RAB5C: variants seen among roughly 807,000 people sequenced by gnomAD.
RAB5C encodes the protein RAB5C, member RAS oncogene family, also known as ras-related protein Rab-5C.
A neutral mutation model predicts 25.2 loss-of-function variants in RAB5C; 4 were observed. That is an observed-to-expected ratio of 0.16 (90% CI 0.08 to 0.36). The LOEUF (loss-of-function observed/expected upper bound fraction) is 0.36, where lower values mean the gene tolerates loss of function less well. Ranked by LOEUF, RAB5C falls within the 10% of genes least tolerant of loss-of-function variation. RAB5C has a pLI of 1.00. For missense variants in RAB5C, 199 were observed against 283.8 expected, an observed-to-expected ratio of 0.70 and a Z score of 2.15; for synonymous variants, 100 against 106.4, an observed-to-expected ratio of 0.94 and a Z score of 0.37.
At position 42,135,809 on chromosome 17, in the gene RAB5C, G is replaced by A. The variant is rs146317187; in HGVS notation, c.-88-5219C>T. Among the ~76,000 whole-genome samples the A allele has an allele frequency of 3.6e-4, 55 of 152,310 alleles. No homozygotes were observed. In the East Asian group the frequency reaches 0.01, roughly 29 times the overall value. ...AAGGGTGAGCAATTCCAGCTGATGA[G>A]TGTCTCGTGTACTTCCTGTTTGCTT... On this transcript the variant is annotated intron_variant, in intron 1 of 5. Transcript: ENST00000346213.
intron 1 of RAB5C, among the ~76,000 whole-genome samples, chr17:42,149,536 C>G (rs983279449): frequency 5.9e-5 from 9 of 152,062 alleles, no homozygotes; most frequent in African/African-American, 2.2e-4. Context: ...AAGCCATGAT[C>G]GTCCCACTGC....
At chr17:42,139,801 C>T (rs185854755) in intron 1 of RAB5C, among the ~76,000 whole-genome samples, 8 of 152,152 alleles carry the variant, frequency 5.3e-5, no homozygotes, top group East Asian at 1.9e-4. Flanking sequence ...ACCACACACA[C>T]GTCCCAGCCA....
At chr17:42,154,103 AC>A (rs1448135137) in intron 1 of RAB5C, among the ~76,000 whole-genome samples, 1 of 152,130 alleles carries the variant, frequency 6.6e-6, no homozygotes, top group Non-Finnish European at 1.5e-5. Context: ...GAAACCACTC[AC>A]GTGCTCTGGG....
chr17:42,128,189 C>T, intron 4 of RAB5C, 72 bp downstream of exon 4: 1 of 1,547,434 alleles, frequency 6.5e-7, no homozygotes, highest in Non-Finnish European at 8.7e-7. Context: ...TCCCAAAGCC[C>T]CTGAGCATCC....
intron 1 of RAB5C, among the ~76,000 whole-genome samples, chr17:42,145,108 G>A (rs971440774): frequency 1.3e-5 from 2 of 151,900 alleles, no homozygotes; most frequent in African/African-American, 4.8e-5. Context: ...GGGAGGCGGA[G>A]CTTGCAGTGA....
In RAB5C at chr17:42,128,687, C is replaced by T; in HGVS notation, c.280G>A (p.Ala94Thr). Reference sequence around the variant, plus strand: ...TCATAGACCACGATGGCAGCCTGGGCCCCCCGATAGTACATGGGGGCCAGG... The same window carrying T: ...TCATAGACCACGATGGCAGCCTGGGTCCCCCGATAGTACATGGGGGCCAGG... ...HSLAPMYYRG[A>T]QAAIVVYDIT... The change falls in exon 3 of 6, where the codon GCC becomes ACC. Residue 94 changes from alanine to threonine, a missense_variant. Transcript: ENST00000346213. 1.3e-6 allele frequency: 2 copies of T among 1,518,502 alleles called. No homozygotes were observed. Among genetic ancestry groups the T allele is most frequent in the Non-Finnish European group, 1.8e-6 (2 of 1,135,740 alleles). The allele number at this position is 1,518,502 out of a possible 1,614,324, so 94.1% of individuals were successfully genotyped here. A position where few individuals can be genotyped will look rare whatever the true frequency, so the allele number is the denominator to read the frequency against.
chr17:42,151,835 G>A (rs535557202), intron 1 of RAB5C, among the ~76,000 whole-genome samples: 20 of 152,294 alleles, frequency 1.3e-4, no homozygotes, highest in African/African-American at 4.6e-4. Flanking sequence ...AGAGAAGACA[G>A]GAGGTCGGGT....
At chr17:42,134,504 G>A (rs1210209578) in intron 1 of RAB5C, among the ~76,000 whole-genome samples, 1 of 152,172 alleles carries the variant, frequency 6.6e-6, no homozygotes, top group Non-Finnish European at 1.5e-5. Context: ...CTGAACCCAG[G>A]AAGCAGAGAT....
chr17:42,133,089 G>A (rs982018896), intron 1 of RAB5C, among the ~76,000 whole-genome samples: 1 of 152,226 alleles, frequency 6.6e-6, no homozygotes, highest in African/African-American at 2.4e-5. Flanking sequence ...AACAGTCACA[G>A]TAATCTTGCA....
intron 1 of RAB5C, among the ~76,000 whole-genome samples, chr17:42,135,186 C>T (rs1052930437): frequency 2.6e-5 from 4 of 151,376 alleles, no homozygotes; most frequent in Admixed American, 6.6e-5. Context: ...GGTTTTACCA[C>T]GCTGGCCAGG....
intron 1 of RAB5C, chr17:42,136,180 T>C (rs1225280158): frequency 6.6e-6 from 1 of 152,306 alleles, no homozygotes; most frequent in East Asian, 1.9e-4. Flanking sequence ...AAGGCTAAAG[T>C]GGAAGACATT....
intron 4 of RAB5C, 115 bp downstream of exon 4, chr17:42,128,146 G>A: frequency 7.0e-7 from 1 of 1,431,756 alleles, no homozygotes; most frequent in Non-Finnish European, 9.4e-7. Context: ...GACAGCAGAT[G>A]GAAGCTTCCC....
rs1272344459 is a variant in RAB5C, at chr17:42,125,249, G to C, written c.*534C>G. The C allele has an allele frequency of 6.5e-6, 1 of 153,372 alleles. No individual in the cohort carries two copies. Among genetic ancestry groups the C allele is most frequent in the Non-Finnish European group, 1.5e-5 (1 of 68,578 alleles). 9.5% of individuals were successfully genotyped at this position (153,372 alleles called of 1,614,324 possible). A position where few individuals can be genotyped will look rare whatever the true frequency, so the allele number is the denominator to read the frequency against. ...AATGCTGTGGTTTCCCAGCAGGGAG[G>C]TGGGAGCGGGGAGGGGGCTGCAGCC... On this transcript the variant is annotated 3_prime_UTR_variant, in exon 6 of 6. Coordinates refer to ENST00000346213, the MANE Select transcript of RAB5C (RefSeq NM_004583.4).
intron 1 of RAB5C, among the ~76,000 whole-genome samples, chr17:42,151,959 G>A (rs984039080): frequency 2.0e-5 from 3 of 151,996 alleles, no homozygotes; most frequent in South Asian, 4.1e-4. Context: ...TTCATTTAAC[G>A]AACAAACCAG....
chr17:42,147,885 T>C (rs1399912183), intron 1 of RAB5C, among the ~76,000 whole-genome samples: 1 of 151,744 alleles, frequency 6.6e-6, no homozygotes, highest in Non-Finnish European at 1.5e-5. Context: ...TCACCTGAGG[T>C]TGGGAGTTCG....
rs7359604 is a variant in RAB5C at position 42,151,849 on chromosome 17, C to T, written c.-89+3044G>A. Reference sequence around the variant, plus strand: ...GAGAGAAGACAGGAGGTCGGGTAGACGCTGGGGAAGACAAAAAAACAGAGG... The same window carrying T: ...GAGAGAAGACAGGAGGTCGGGTAGATGCTGGGGAAGACAAAAAAACAGAGG... On this transcript the variant is annotated intron_variant, in intron 1 of 5. Transcript: ENST00000346213. 6.4e-3 allele frequency among the ~76,000 whole-genome samples: 966 copies of T among 152,112 alleles called. 9 individuals are homozygous for T. The highest frequency in any genetic ancestry group is 0.022 in the African/African-American group (903 of 41,494).
intron 1 of RAB5C, among the ~76,000 whole-genome samples, chr17:42,144,352 G>A (rs1363588562): frequency 1.3e-5 from 2 of 152,086 alleles, no homozygotes; most frequent in Non-Finnish European, 2.9e-5. Context: ...AGCTACTCGG[G>A]AGGCTCAGGC....
chr17:42,129,045 T>A (rs739636), intron 2 of RAB5C, among the ~76,000 whole-genome samples: 1 of 151,778 alleles, frequency 6.6e-6, no homozygotes, highest in Non-Finnish European at 1.5e-5. Context: ...GAGAAGGGAC[T>A]CCTGCATGCA....
intron 2 of RAB5C, among the ~76,000 whole-genome samples, chr17:42,129,771 G>C (rs548517543): frequency 6.6e-6 from 1 of 152,214 alleles, no homozygotes; most frequent in Non-Finnish European, 1.5e-5. Context: ...CAAGGCCAGC[G>C]TTGGCCCCTG....
Sources: gnomAD v4.1 joint callset for allele counts (sites outside exome capture counted in the v4.1 genomes callset) on GRCh38, gnomAD v4.1.1 for gene constraint, MANE v1.5 for transcripts, NCBI Gene and HGNC (gene_info 2026-07-23, HGNC 2026-07-21) for gene names.